The following NRG3 variants were observed in gnomAD, a reference collection of about 807,000 sequenced individuals.
The protein encoded by NRG3 is pro-neuregulin-3, membrane-bound isoform.
NRG3 carries 31 observed loss-of-function variants against 66.9 expected under a neutral mutation model. The observed-to-expected ratio is 0.46, with a 90% confidence interval of 0.35 to 0.63. The LOEUF (loss-of-function observed/expected upper bound fraction) is 0.63. Among genes scored for constraint, NRG3 ranks in the 20% least tolerant of loss-of-function variants. The pLI is 0.00. For synonymous variants in NRG3, 393 were observed against 359.4 expected (o/e 1.09, Z -1.06); for missense variants, 910 against 878.9 (o/e 1.04, Z -0.45).
chr10:82,255,220 A>T (rs2077661120), intron 1 of NRG3, among the ~76,000 whole-genome samples: 1 of 152,188 alleles, frequency 6.6e-6, no homozygotes, highest in Non-Finnish European at 1.5e-5. Context: ...GGGCCATCCT[A>T]TAAAATACCT....
intron 4 of NRG3, among the ~76,000 whole-genome samples, chr10:82,886,741 T>TAAAG (rs1038497691): frequency 5.3e-5 from 8 of 152,290 alleles, no homozygotes; most frequent in Admixed American, 3.9e-4. Context: ...TTTTCTCAAG[T>TAAAG]AAAGACAAAG....
At chr10:82,977,059 A>G (rs148013294) in intron 7 of NRG3, among the ~76,000 whole-genome samples, 290 of 152,248 alleles carry the variant, frequency 1.9e-3, no homozygotes, top group Non-Finnish European at 3.1e-3. Context: ...CAGGACTCTG[A>G]CTGGTACAAG....
chr10:82,059,159 A>T (rs1448498626), intron 1 of NRG3, among the ~76,000 whole-genome samples: 1 of 152,220 alleles, frequency 6.6e-6, no homozygotes, highest in Non-Finnish European at 1.5e-5. Context: ...TATTGAGAGC[A>T]ATGAGATGCA....
intron 4 of NRG3, among the ~76,000 whole-genome samples, chr10:82,908,693 A>G (rs1277452730): frequency 2.0e-5 from 3 of 152,218 alleles, no homozygotes; most frequent in East Asian, 1.9e-4. Flanking sequence ...TGCATGTACT[A>G]TGGACAGAGA....
intron 1 of NRG3, among the ~76,000 whole-genome samples, chr10:81,971,403 A>G (rs1033788508): frequency 3.3e-5 from 5 of 152,226 alleles, no homozygotes; most frequent in African/African-American, 1.2e-4. Flanking sequence ...CCACTGATAA[A>G]GACTTGTATT....
chr10:82,398,486 C>CAT (rs2086860145), intron 2 of NRG3, among the ~76,000 whole-genome samples: 1 of 136,950 alleles, frequency 7.3e-6, no homozygotes, highest in African/African-American at 3.0e-5. Context: ...ATCTTGGCTT[C>CAT]GTGTATGTGT....
chr10:82,337,126 T>G (rs1245007047), intron 1 of NRG3, among the ~76,000 whole-genome samples: 3 of 152,192 alleles, frequency 2.0e-5, no homozygotes, highest in Non-Finnish European at 2.9e-5. Flanking sequence ...AAAAAAGGGT[T>G]TATAGGAAAC....
chr10:81,979,014 C>T lies in NRG3; in HGVS notation c.823+102851C>T, dbSNP rs187146587. On this transcript the variant is annotated intron_variant, in intron 1 of 8. Coordinates refer to ENST00000372141, the MANE Select transcript of NRG3 (RefSeq NM_001010848.4). ...GACCATCCTGGCCAACATGATGAAA[C>T]CCCGTCTCTATTAAAAGTACAAAAA... Among the ~76,000 whole-genome samples, 936 of 152,118 alleles carry T rather than the reference C, an allele frequency of 6.2e-3. 5 individuals are homozygous for T. Among genetic ancestry groups the T allele is most frequent in the African/African-American group, 0.021 (875 of 41,498 alleles).
chr10:82,529,843 A>AAATT (rs1240477338), intron 2 of NRG3, among the ~76,000 whole-genome samples: 2 of 152,200 alleles, frequency 1.3e-5, no homozygotes, highest in Non-Finnish European at 2.9e-5. Flanking sequence ...TAGTTCTTTT[A>AAATT]AATTAACTTC....
chr10:82,364,650 C>G (rs557754681), intron 2 of NRG3, among the ~76,000 whole-genome samples: 39 of 152,294 alleles, frequency 2.6e-4, no homozygotes, highest in African/African-American at 8.9e-4. Context: ...TGTGTCTCTT[C>G]TGAACTGAAG....
chr10:82,470,727 G>A (rs1841172334), intron 2 of NRG3, among the ~76,000 whole-genome samples: 1 of 152,182 alleles, frequency 6.6e-6, no homozygotes, highest in Admixed American at 6.5e-5. Context: ...CTCCAGCTCT[G>A]GTTGCTGTCC....
intron 3 of NRG3, among the ~76,000 whole-genome samples, chr10:82,778,304 C>A (rs951562014): frequency 1.3e-5 from 2 of 152,142 alleles, no homozygotes; most frequent in Non-Finnish European, 1.5e-5. Flanking sequence ...CATTCTCAAA[C>A]TGCTATGAAG....
At chr10:82,420,424 A>G (rs996519598) in intron 2 of NRG3, among the ~76,000 whole-genome samples, 1 of 152,206 alleles carries the variant, frequency 6.6e-6, no homozygotes, top group African/African-American at 2.4e-5. Context: ...AAATGAACCA[A>G]GTGAATTGGA....
At chr10:82,246,213 A>G (rs1470088592) in intron 1 of NRG3, among the ~76,000 whole-genome samples, 1 of 152,162 alleles carries the variant, frequency 6.6e-6, no homozygotes, top group African/African-American at 2.4e-5. Flanking sequence ...TTTTAAAAAG[A>G]AAAGACTTGG....
chr10:82,212,144 G>A (rs1413712187), intron 1 of NRG3, among the ~76,000 whole-genome samples: 2 of 152,160 alleles, frequency 1.3e-5, no homozygotes, highest in East Asian at 3.9e-4. Flanking sequence ...TTTGAACCAT[G>A]GGAAATAGCT....
At chr10:82,112,930 C>A (rs1056917595) in intron 1 of NRG3, among the ~76,000 whole-genome samples, 1 of 152,014 alleles carries the variant, frequency 6.6e-6, no homozygotes. Context: ...AGGTTGTGCC[C>A]CATGGTTGAT....
At chr10:82,907,607 G>A (rs1352414787) in intron 4 of NRG3, among the ~76,000 whole-genome samples, 1 of 152,090 alleles carries the variant, frequency 6.6e-6, no homozygotes, top group Non-Finnish European at 1.5e-5. Flanking sequence ...TATAACTTGG[G>A]CCTATGGAAC....
At chr10:82,730,276 G>A (rs1463204797) in intron 2 of NRG3, among the ~76,000 whole-genome samples, 2 of 151,894 alleles carry the variant, frequency 1.3e-5, no homozygotes, top group Admixed American at 6.6e-5. Flanking sequence ...AGTAGAGACA[G>A]GGTTTAACTG....
chr10:82,480,622 G>A (rs941584807), intron 2 of NRG3, among the ~76,000 whole-genome samples: 2 of 152,136 alleles, frequency 1.3e-5, no homozygotes, highest in Admixed American at 1.3e-4. Context: ...ATTCAGGTCT[G>A]TTTGTGTTTT....
Sources: gnomAD v4.1 joint callset for allele counts (sites outside exome capture counted in the v4.1 genomes callset) on GRCh38, gnomAD v4.1.1 for gene constraint, MANE v1.5 for transcripts, NCBI Gene and HGNC (gene_info 2026-07-23, HGNC 2026-07-21) for gene names.